Variants in ENTREP2 observed in about 807,000 individuals in gnomAD.
ENTREP2 encodes protein ENTREP2.
the ENTREP2 span, among the ~76,000 whole-genome samples, chr15:29,273,038 G>C: frequency 6.6e-6 from 1 of 152,120 alleles, no homozygotes; most frequent in African/African-American, 2.4e-5. Context: ...TTAGCTCTTA[G>C]GGAAGAAAGC....
the ENTREP2 span, among the ~76,000 whole-genome samples, chr15:29,407,768 C>A: frequency 6.6e-6 from 1 of 152,118 alleles, no homozygotes; most frequent in Non-Finnish European, 1.5e-5. Context: ...CCCAATCAAG[C>A]GATTCTCCTG....
chr15:29,566,723 T>C, the ENTREP2 span, among the ~76,000 whole-genome samples: 3 of 142,446 alleles, frequency 2.1e-5, no homozygotes, highest in African/African-American at 5.3e-5. Flanking sequence ...TCCCAAAGTG[T>C]TGGGATTACA....
At chr15:29,207,875 C>A in the ENTREP2 span, among the ~76,000 whole-genome samples, 1 of 152,064 alleles carries the variant, frequency 6.6e-6, no homozygotes, top group East Asian at 1.9e-4. Flanking sequence ...GCACAATGGG[C>A]GTGGAATCAT....
the ENTREP2 span, among the ~76,000 whole-genome samples, chr15:29,464,513 A>G: frequency 6.2e-3 from 941 of 152,332 alleles, 8 homozygotes; most frequent in African/African-American, 0.021. Context: ...TGTCAATCAC[A>G]GGCCAGATCT....
the ENTREP2 span, among the ~76,000 whole-genome samples, chr15:29,352,897 G>A: frequency 2.6e-5 from 4 of 152,070 alleles, no homozygotes; most frequent in South Asian, 2.1e-4. Flanking sequence ...CTCATCATTC[G>A]ACAGCTTTTC....
At chr15:29,235,114 T>G in the ENTREP2 span, 1 of 1,042,558 alleles carries the variant, frequency 9.6e-7, no homozygotes, top group Non-Finnish European at 1.5e-6. Context: ...ACAACAGATG[T>G]GGGCAGGAGC....
the ENTREP2 span, among the ~76,000 whole-genome samples, chr15:29,221,784 G>A: frequency 2.0e-5 from 3 of 152,230 alleles, no homozygotes; most frequent in South Asian, 2.1e-4. Flanking sequence ...AAAGAGAATC[G>A]TGCTGGGTAA....
the ENTREP2 span, among the ~76,000 whole-genome samples, chr15:29,537,294 C>T: frequency 6.6e-6 from 1 of 152,050 alleles, no homozygotes. Context: ...CACCAACATC[C>T]TTCCTTCATC....
the ENTREP2 span, among the ~76,000 whole-genome samples, chr15:29,446,027 T>C: frequency 2.0e-5 from 3 of 152,118 alleles, no homozygotes; most frequent in Admixed American, 6.5e-5. Flanking sequence ...CTGGAAAAAC[T>C]GTGTTTTTCT....
chr15:29,446,819 C>T, the ENTREP2 span, among the ~76,000 whole-genome samples: 1 of 152,188 alleles, frequency 6.6e-6, no homozygotes, highest in Non-Finnish European at 1.5e-5. Context: ...GGTTGTCAGC[C>T]ACCTTCCTCC....
the ENTREP2 span, among the ~76,000 whole-genome samples, chr15:29,223,423 T>C: frequency 1.3e-5 from 2 of 152,130 alleles, no homozygotes; most frequent in Admixed American, 6.5e-5. Context: ...CTATCTTCCA[T>C]GTGGGGACAC....
the ENTREP2 span, among the ~76,000 whole-genome samples, chr15:29,402,531 G>C: frequency 1.1e-4 from 17 of 152,024 alleles, no homozygotes; most frequent in Middle Eastern, 3.2e-3. Context: ...GGCTGGTCTC[G>C]AACTCCTGGC....
At chr15:29,128,974 G>C in the ENTREP2 span, 1 of 671,074 alleles carries the variant, frequency 1.5e-6, no homozygotes, top group South Asian at 1.9e-5. Flanking sequence ...AGCGCTGAGA[G>C]ACGTTCATCC....
the ENTREP2 span, among the ~76,000 whole-genome samples, chr15:29,529,722 G>A: frequency 6.6e-6 from 1 of 152,116 alleles, no homozygotes; most frequent in East Asian, 1.9e-4. Flanking sequence ...GTCTCACAGA[G>A]AATGACACCT....
the ENTREP2 span, chr15:29,123,258 CTCTT>C: frequency 3.4e-5 from 47 of 1,398,462 alleles, no homozygotes; most frequent in Non-Finnish European, 4.5e-5. Flanking sequence ...GCCTGAAGGC[CTCTT>C]TGTCAGGCAT....
chr15:29,444,190 G>GAAAGAAAGAAAGAAAGAAAGA, the ENTREP2 span, among the ~76,000 whole-genome samples: 1 of 92,268 alleles, frequency 1.1e-5, no homozygotes, highest in African/African-American at 4.0e-5. Context: ...AAGAAAGAAA[G>GAAAGAAAGAAAGAAAGAAAGA]AAAGAAAGAA....
At chr15:29,328,767 A>G in the ENTREP2 span, among the ~76,000 whole-genome samples, 1 of 152,218 alleles carries the variant, frequency 6.6e-6, no homozygotes, top group African/African-American at 2.4e-5. Flanking sequence ...GGACTGATCC[A>G]CGCTGTAAAG....
the ENTREP2 span, among the ~76,000 whole-genome samples, chr15:29,145,718 A>T: frequency 6.6e-6 from 1 of 152,010 alleles, no homozygotes; most frequent in Non-Finnish European, 1.5e-5. Context: ...CCCACAGCTA[A>T]CATACTACTT....
At chr15:29,441,301 C>G in the ENTREP2 span, among the ~76,000 whole-genome samples, 1 of 152,244 alleles carries the variant, frequency 6.6e-6, no homozygotes, top group Non-Finnish European at 1.5e-5. Flanking sequence ...TTGCCAGAGC[C>G]TGGGGAGAGG....
Sources: allele counts gnomAD v4.1 joint callset (sites outside exome capture counted in the v4.1 genomes callset), GRCh38; gene constraint gnomAD v4.1.1; transcripts MANE v1.5; gene names NCBI Gene and HGNC (gene_info 2026-07-23, HGNC 2026-07-21).